The following LYPLAL1 variants were observed in gnomAD, a reference collection of about 807,000 sequenced individuals.
LYPLAL1 encodes the protein lysophospholipase-like protein 1.
LYPLAL1 carries 23 observed loss-of-function variants against 19.7 expected under a neutral mutation model. The observed-to-expected ratio is 1.17, with a 90% CI of 0.84 to 1.65. The LOEUF is 1.65. Among genes scored for constraint, LYPLAL1 ranks in the 40% most tolerant of loss-of-function variants. LYPLAL1 has a pLI of 0.00. For synonymous variants in LYPLAL1, 119 were observed against 96.3 expected, an observed-to-expected ratio of 1.24 and a Z score of -1.38; for missense variants, 355 against 279.4, an observed-to-expected ratio of 1.27 and a Z score of -1.93.
At chr1:219,246,087 T>C in the LYPLAL1 span, among the ~76,000 whole-genome samples, 2 of 152,164 alleles carry the variant, frequency 1.3e-5, no homozygotes, top group Non-Finnish European at 2.9e-5. Context: ...TGTTTTCTGA[T>C]TTTCTGCAAA....
At chr1:219,348,741 C>T in the LYPLAL1 span, among the ~76,000 whole-genome samples, 21 of 152,154 alleles carry the variant, frequency 1.4e-4, no homozygotes, top group East Asian at 3.9e-4. Flanking sequence ...TTGCCTTTCC[C>T]GGGAGAAAAC....
At chr1:219,229,238 GGTGTGGTCCCT>G in the LYPLAL1 span, among the ~76,000 whole-genome samples, 3 of 151,196 alleles carry the variant, frequency 2.0e-5, no homozygotes, top group African/African-American at 7.3e-5. Context: ...AGCGGGGAAG[GGTGTGGTCCCT>G]GACTAGGGCT....
chr1:219,424,743 G>T, the LYPLAL1 span, among the ~76,000 whole-genome samples: 1 of 152,098 alleles, frequency 6.6e-6, no homozygotes, highest in African/African-American at 2.4e-5. Context: ...CCTTAGTTGG[G>T]ACTGACATTT....
chr1:219,282,093 C>T, the LYPLAL1 span, among the ~76,000 whole-genome samples: 1 of 152,134 alleles, frequency 6.6e-6, no homozygotes, highest in African/African-American at 2.4e-5. Context: ...AGAGTCAGTG[C>T]AGACATTGAA....
the LYPLAL1 span, among the ~76,000 whole-genome samples, chr1:219,278,449 G>A: frequency 6.6e-6 from 1 of 152,312 alleles, no homozygotes; most frequent in East Asian, 1.9e-4. Flanking sequence ...TACAATGTAT[G>A]TCCGGTTGTC....
At chr1:219,346,370 C>T in the LYPLAL1 span, among the ~76,000 whole-genome samples, 3 of 151,654 alleles carry the variant, frequency 2.0e-5, no homozygotes, top group Non-Finnish European at 2.9e-5. Flanking sequence ...TCCTTGATAC[C>T]GTCTGGGAGA....
the LYPLAL1 span, among the ~76,000 whole-genome samples, chr1:219,441,543 A>G: frequency 6.6e-6 from 1 of 152,236 alleles, no homozygotes; most frequent in Admixed American, 6.5e-5. Flanking sequence ...TAAATAATCT[A>G]CAATGAAGTG....
the LYPLAL1 span, among the ~76,000 whole-genome samples, chr1:219,237,250 A>G: frequency 6.6e-6 from 1 of 152,224 alleles, no homozygotes; most frequent in Non-Finnish European, 1.5e-5. Context: ...GGATTACTAT[A>G]TGTTTCAAAT....
the LYPLAL1 span, among the ~76,000 whole-genome samples, chr1:219,356,614 C>T: frequency 1.4e-3 from 215 of 152,240 alleles, no homozygotes; most frequent in Admixed American, 3.6e-3. Context: ...GTCTGTTGCT[C>T]TACATTGCTT....
At chr1:219,389,042 T>C in the LYPLAL1 span, among the ~76,000 whole-genome samples, 6 of 152,204 alleles carry the variant, frequency 3.9e-5, no homozygotes, top group South Asian at 1.0e-3. Context: ...ATTTTCACTA[T>C]TTAAGTAGGC....
the LYPLAL1 span, among the ~76,000 whole-genome samples, chr1:219,269,447 C>A: frequency 6.6e-6 from 1 of 151,662 alleles, no homozygotes; most frequent in African/African-American, 2.4e-5. Flanking sequence ...TGGTAATGTA[C>A]AACATAGCAG....
At chr1:219,299,038 G>T in the LYPLAL1 span, among the ~76,000 whole-genome samples, 1 of 151,930 alleles carries the variant, frequency 6.6e-6, no homozygotes, top group Non-Finnish European at 1.5e-5. Flanking sequence ...ACACAATCTT[G>T]GTTGGAAAGA....
chr1:219,372,654 A>G, the LYPLAL1 span, among the ~76,000 whole-genome samples: 1 of 152,250 alleles, frequency 6.6e-6, no homozygotes, highest in Non-Finnish European at 1.5e-5. Context: ...AATCCCGGCA[A>G]TTTGGGAGGC....
chr1:219,367,923 C>T, the LYPLAL1 span, among the ~76,000 whole-genome samples: 2 of 148,596 alleles, frequency 1.3e-5, no homozygotes, highest in South Asian at 2.1e-4. Flanking sequence ...TTAAGAACCT[C>T]GACTTGATCT....
At chr1:219,391,348 A>G in the LYPLAL1 span, among the ~76,000 whole-genome samples, 1 of 152,202 alleles carries the variant, frequency 6.6e-6, no homozygotes, top group Non-Finnish European at 1.5e-5. Flanking sequence ...CAGACAGCCA[A>G]GCAAAAGGTT....
chr1:219,322,419 G>A, the LYPLAL1 span, among the ~76,000 whole-genome samples: 1 of 152,100 alleles, frequency 6.6e-6, no homozygotes, highest in Admixed American at 6.6e-5. Context: ...ACAATGAGGC[G>A]AACAATTTAG....
the LYPLAL1 span, among the ~76,000 whole-genome samples, chr1:219,336,635 C>T: frequency 6.6e-6 from 1 of 151,896 alleles, no homozygotes; most frequent in African/African-American, 2.4e-5. Flanking sequence ...AATTTACTTG[C>T]CATTTCTACT....
At chr1:219,262,979 G>A in the LYPLAL1 span, among the ~76,000 whole-genome samples, 1 of 152,140 alleles carries the variant, frequency 6.6e-6, no homozygotes, top group African/African-American at 2.4e-5. Flanking sequence ...CCAGGAGGTG[G>A]CACTTTCAAG....
intron 3 of LYPLAL1, chr1:219,198,585 G>C (rs1657807610): frequency 6.6e-6 from 1 of 151,578 alleles, no homozygotes; most frequent in African/African-American, 2.4e-5. Context: ...GTTTCTTTTG[G>C]GTTCTTCCAG....
Sources: allele counts gnomAD v4.1 joint callset (sites outside exome capture counted in the v4.1 genomes callset), GRCh38; gene constraint gnomAD v4.1.1; transcripts MANE v1.5; gene names NCBI Gene and HGNC (gene_info 2026-07-23, HGNC 2026-07-21).